MED1: variants seen among roughly 807,000 people sequenced by gnomAD.
The protein encoded by MED1 is mediator of RNA polymerase II transcription subunit 1.
MED1 carries 17 observed loss-of-function variants against 121.3 expected under a neutral mutation model. That is an observed-to-expected ratio of 0.14 (90% CI 0.10 to 0.21). The LOEUF is 0.21. Among genes scored for constraint, MED1 ranks in the 10% least tolerant of loss-of-function variants. The probability of loss-of-function intolerance (pLI) is 1.00; values close to 1 mark genes in which losing one functional copy is unlikely to be tolerated. For missense variants in MED1, 1,558 were observed against 1,919.4 expected, an observed-to-expected ratio of 0.81 and a Z score of 3.52; for synonymous variants, 661 against 694.4, an observed-to-expected ratio of 0.95 and a Z score of 0.76.
At position 39,424,662 on chromosome 17, in the gene MED1, T is replaced by C; in HGVS notation, c.816A>G (p.Pro272=). Residue 272 remains proline, a synonymous_variant, in exon 11 of 17, where the codon CCA becomes CCG. Transcript: ENST00000300651. The part of the protein sequence containing the change: ...TSAVYKLPIA[P]LIMGSHPVDN... ...CAACTGGATGTGACCCCATAATTAA[T>C]GGTGCAATTGGGAGTTTGTACACAG... 6.2e-7 allele frequency: 1 copy of C among 1,606,738 alleles called. No homozygotes were observed. The highest frequency in any genetic ancestry group is 8.5e-7 in the Non-Finnish European group (1 of 1,175,722).
At chr17:39,415,609 G>A (rs868155628) in intron 14 of MED1, among the ~76,000 whole-genome samples, 1 of 151,994 alleles carries the variant, frequency 6.6e-6, no homozygotes, top group African/African-American at 2.4e-5. Flanking sequence ...TCAGGAGTTC[G>A]AGACAAGCCT....
chr17:39,416,363 G>C (rs2048409226), intron 14 of MED1, among the ~76,000 whole-genome samples: 4 of 152,112 alleles, frequency 2.6e-5, no homozygotes, highest in African/African-American at 9.7e-5. Context: ...CCCATAGTTT[G>C]GCAAGCAGAG....
chr17:39,439,912 G>A (rs138276094), intron 5 of MED1, among the ~76,000 whole-genome samples: 23 of 145,774 alleles, frequency 1.6e-4, no homozygotes, highest in African/African-American at 3.5e-4. Flanking sequence ...CACTCCAGGC[G>A]ACAGAACGAG....
intron 16 of MED1, 148 bp downstream of exon 16, chr17:39,414,878 C>A: frequency 1.5e-6 from 1 of 658,646 alleles, no homozygotes; most frequent in Non-Finnish European, 2.7e-6. Flanking sequence ...CCATGTTAGC[C>A]AGAATGGTCT....
chr17:39,423,085 T>A (rs1474864616), intron 13 of MED1, among the ~76,000 whole-genome samples: 3 of 151,790 alleles, frequency 2.0e-5, no homozygotes, highest in African/African-American at 7.3e-5. Flanking sequence ...CAGGCTGGTC[T>A]CGAACTCCTG....
chr17:39,433,547 A>ATATATT (rs59444448), intron 7 of MED1, among the ~76,000 whole-genome samples: 2 of 148,746 alleles, frequency 1.3e-5, no homozygotes, highest in Admixed American at 1.3e-4. Flanking sequence ...ATATATATAT[A>ATATATT]CACACATATT....
intron 13 of MED1, among the ~76,000 whole-genome samples, chr17:39,421,928 A>C (rs548404195): frequency 2.6e-5 from 4 of 151,686 alleles, no homozygotes; most frequent in African/African-American, 9.6e-5. Flanking sequence ...GGAGATCGAG[A>C]CCATCCTGGC....
chr17:39,412,143 T>G (rs1412214138), intron 16 of MED1, among the ~76,000 whole-genome samples: 1 of 152,122 alleles, frequency 6.6e-6, no homozygotes, highest in Non-Finnish European at 1.5e-5. Flanking sequence ...AGCAAAGCAC[T>G]TTTTATTTTC....
At position 39,410,341 on chromosome 17, in the gene MED1, T is replaced by C; in HGVS notation, c.1880A>G (p.His627Arg). 6.2e-7 allele frequency: 1 copy of C among 1,613,902 alleles called. No homozygotes were observed. Among genetic ancestry groups the C allele is most frequent in the African/African-American group, 1.3e-5 (1 of 74,966 alleles). Residue 627 changes from histidine to arginine, a missense_variant, in exon 17 of 17, where the codon CAC becomes CGC. This residue lies in a region of MED1 where 793 missense variants were observed against 898.2 expected (regional missense o/e 0.88). Transcript: ENST00000300651. ...TIGSSPTPPH[H>R]TPPPVSSMAG... is the part of the protein sequence containing the mutation. ...CATCGAAGAGACAGGTGGCGGCGTGTGATGAGGAGGGGTCGGACTCGAGCC... is the reference window on the plus strand; with the variant it reads ...CATCGAAGAGACAGGTGGCGGCGTGCGATGAGGAGGGGTCGGACTCGAGCC...
Position 39,419,835 on chromosome 17 carries a change from A to T in MED1, c.1179T>A (p.Val393=), listed in dbSNP as rs749518962. The T allele has an allele frequency of 6.2e-7, 1 of 1,614,096 alleles. No individual in the cohort carries two copies. Among genetic ancestry groups the T allele is most frequent in the Non-Finnish European group, 8.5e-7 (1 of 1,179,956 alleles). ...PDGRSLQGTL[V]SKITFQHPGR... The stretch of plus-strand genomic sequence containing the variant: ...CAGGGTGCTGAAAGGTGATTTTGCT[A>T]ACAAGGGTTCCCTGTAGACTTCGGC... Residue 393 remains valine, a synonymous_variant, in exon 14 of 17, where the codon GTT becomes GTA. Coordinates refer to ENST00000300651, the MANE Select transcript of MED1 (RefSeq NM_004774.4).
rs147785377 is a variant in MED1, at chr17:39,409,147, C to T, written c.3074G>A (p.Ser1025Asn). ...ADTEGKSPSH[S>N]SSNRPFTPPT... ...TGGGGTAAAAGGTCTGTTAGAAGAA[C>T]TATGAGATGGAGACTTTCCCTCAGT... The change falls in exon 17 of 17, where the codon AGT (serine) becomes AAT (asparagine). Residue 1025 changes from serine (S) to asparagine (N), a missense_variant. Ser to Asn is a conservative substitution (Grantham distance 46). Transcript: ENST00000300651. The T allele has an allele frequency of 8.9e-5, 143 of 1,614,158 alleles. 1 individual carries two copies. In the African/African-American group the frequency reaches 1.7e-3, roughly 20 times the overall value.
At chr17:39,446,656 C>A (rs1192961482) in intron 2 of MED1, among the ~76,000 whole-genome samples, 1 of 151,494 alleles carries the variant, frequency 6.6e-6, no homozygotes, top group South Asian at 2.1e-4. Flanking sequence ...TGCCTGTAGT[C>A]CCGGCTACTC....
At position 39,423,467 on chromosome 17, in the gene MED1, T is replaced by C. The variant is rs1393229829; in HGVS notation, c.977-22A>G. On this transcript the variant is annotated intron_variant, in intron 12 of 16. Coordinates refer to ENST00000300651, the MANE Select transcript of MED1 (RefSeq NM_004774.4). ...ATTCCTGGAAAAACAAGAATCAATATAATGATCATGTTAAGATGAAAACAC... is the reference window on the plus strand; with the variant it reads ...ATTCCTGGAAAAACAAGAATCAATACAATGATCATGTTAAGATGAAAACAC... 5 of 1,564,032 alleles carry C rather than the reference T, an allele frequency of 3.2e-6. No individual in the cohort carries two copies. The African/African-American group carries it at 4.1e-5, about 13-fold the overall frequency.
In MED1 at chr17:39,409,700, G is replaced by A. The variant is rs1567638788; in HGVS notation, c.2521C>T (p.Leu841Phe). Reference sequence around the variant, plus strand: ...GGGCTTCCAGCAGCATCTGCAATAAGATCAGCTGGATCAGTGTATGGATTT... The same window carrying A: ...GGGCTTCCAGCAGCATCTGCAATAAAATCAGCTGGATCAGTGTATGGATTT... ...NENPYTDPAD[L>F]IADAAGSPSS... Residue 841 changes from leucine to phenylalanine, a missense_variant, in exon 17 of 17, where the codon CTT (leucine) becomes TTT (phenylalanine). Leu to Phe is a conservative substitution (Grantham distance 22, BLOSUM62 0). Coordinates refer to ENST00000300651, the MANE Select transcript of MED1 (RefSeq NM_004774.4). The A allele has an allele frequency of 4.3e-6, 7 of 1,614,142 alleles. No individual in the cohort carries two copies. In the East Asian group the frequency reaches 6.7e-5, roughly 15 times the overall value.
chr17:39,410,536 G>T lies in MED1; in HGVS notation c.1685C>A (p.Thr562Lys), dbSNP rs2048347013. ...ACCCCCCGGAAAGGTGTTGGTTGGT[G>T]TAGTGGTACCACTCATTGGGTTGTT... The part of the protein sequence containing the change: ...TGNNPMSGTT[T>K]PTNTFPGGPI... The change falls in exon 17 of 17, where the codon ACA becomes AAA. Residue 562 changes from threonine (T) to lysine (K), a missense_variant. Coordinates refer to ENST00000300651, the MANE Select transcript of MED1 (RefSeq NM_004774.4). 6.2e-7 allele frequency: 1 copy of T among 1,614,134 alleles called. No homozygotes were observed. Among genetic ancestry groups the T allele is most frequent in the Non-Finnish European group, 8.5e-7 (1 of 1,180,042 alleles).
At chr17:39,450,125 T>C (rs1301080439) in intron 1 of MED1, among the ~76,000 whole-genome samples, 3 of 151,486 alleles carry the variant, frequency 2.0e-5, no homozygotes, top group Non-Finnish European at 4.4e-5. Flanking sequence ...TTTTTTTATT[T>C]TTTTTGTAGA....
chr17:39,437,250 G>A (rs2048628915), intron 6 of MED1, among the ~76,000 whole-genome samples: 1 of 152,030 alleles, frequency 6.6e-6, no homozygotes, highest in African/African-American at 2.4e-5. Context: ...AGCAATTTTT[G>A]TATTTTTTGT....
Position 39,408,262 on chromosome 17 carries a change from C to G in MED1, c.3959G>C (p.Gly1320Ala). Residue 1320 changes from glycine (G) to alanine (A), a missense_variant, in exon 17 of 17, where the codon GGG becomes GCG. By Grantham distance (60) the Gly-to-Ala change is moderately conservative. This residue lies in a region of MED1 where 264 missense variants were observed against 326.1 expected (regional missense o/e 0.81). Transcript: ENST00000300651. This position sits in a 1 kb window ranked among gnomAD's most constrained non-coding sequence, Gnocchi z 4.7. ...CTGGCCGTCCAGTGGGTCTTCACCC[C>G]CAGGGCCACTGGTGACAACCCCATG... Reference protein sequence around the residue: ...LKHGVVTSGPGGEDPLDGQMG... With the variant: ...LKHGVVTSGPAGEDPLDGQMG... 6.2e-7 allele frequency: 1 copy of G among 1,614,114 alleles called. No homozygotes were observed. The highest frequency in any genetic ancestry group is 8.5e-7 in the Non-Finnish European group (1 of 1,180,028).
chr17:39,419,662 C>T (rs1229635445), intron 14 of MED1, 55 bp downstream of exon 14: 1 of 1,514,152 alleles, frequency 6.6e-7, no homozygotes, highest in Non-Finnish European at 9.1e-7. Flanking sequence ...ATTAAAGAAC[C>T]ACTGGAGAAG....
Sources: allele counts gnomAD v4.1 joint callset (sites outside exome capture counted in the v4.1 genomes callset), GRCh38; gene constraint gnomAD v4.1.1; regional missense constraint gnomAD v4.1.1; non-coding constraint Gnocchi (gnomAD v3.1); transcripts MANE v1.5; gene names NCBI Gene and HGNC (gene_info 2026-07-23, HGNC 2026-07-21).